The following CA8 variants were observed in gnomAD, a reference collection of about 807,000 sequenced individuals.
The protein encoded by CA8 is carbonic anhydrase 8 (inactive).
In CA8, 22 loss-of-function variants were observed where a neutral mutation model predicts 41.4. The observed-to-expected ratio is 0.53, with a 90% CI of 0.38 to 0.76. The LOEUF is 0.76. Among genes scored for constraint, CA8 ranks in the 30% least tolerant of loss-of-function variants. CA8 has a pLI of 0.00. For missense variants in CA8, 270 were observed against 352.8 expected (o/e 0.77, Z 1.88); for synonymous variants, 121 against 130.6 (o/e 0.93, Z 0.50).
At chr8:60,279,287 A>G (rs7461425) in intron 2 of CA8, among the ~76,000 whole-genome samples, 34,530 of 152,206 alleles carry the variant, frequency 0.23, 4,821 homozygotes, top group East Asian at 0.4. Flanking sequence ...CGTTATGTCA[A>G]TAAATTCTAA....
intron 6 of CA8, 46 bp from the exon 7 acceptor site, chr8:60,222,807 T>C (rs1270158530): frequency 1.7e-6 from 2 of 1,168,952 alleles, no homozygotes; most frequent in Non-Finnish European, 2.6e-6. Context: ...AGTGAATTAA[T>C]AACAATCCTG....
chr8:60,234,476 G>T (rs960117917), intron 3 of CA8, among the ~76,000 whole-genome samples: 15 of 152,178 alleles, frequency 9.9e-5, no homozygotes, highest in African/African-American at 3.6e-4. Flanking sequence ...GTTACTAATA[G>T]AAGAAACTGG....
intron 8 of CA8, chr8:60,208,227 T>C (rs1184377094): frequency 1.3e-5 from 2 of 158,712 alleles, no homozygotes; most frequent in East Asian, 3.7e-4. Flanking sequence ...TAATAAGTGC[T>C]TCTCAATTTA....
intron 7 of CA8, among the ~76,000 whole-genome samples, chr8:60,215,983 TAGA>T (rs1476840829): frequency 6.6e-6 from 1 of 152,228 alleles, no homozygotes; most frequent in Non-Finnish European, 1.5e-5. Flanking sequence ...CCTTATGGTA[TAGA>T]AGAAAACACT....
intron 2 of CA8, among the ~76,000 whole-genome samples, chr8:60,266,942 T>C (rs1803918585): frequency 6.6e-6 from 1 of 152,234 alleles, no homozygotes; most frequent in African/African-American, 2.4e-5. Flanking sequence ...CTAAGCATTT[T>C]AGGTTATTTA....
chr8:60,230,577 C>T (rs1052371021), intron 4 of CA8, among the ~76,000 whole-genome samples: 1 of 151,834 alleles, frequency 6.6e-6, no homozygotes, highest in African/African-American at 2.4e-5. Context: ...CAGCCCATCC[C>T]TCCCTTCCCC....
At position 60,281,393 on chromosome 8, in the gene CA8, T is replaced by C; in HGVS notation, c.-246A>G. ...GGCCCCAGCAGAGCGAGGGAGCGGC[T>C]GTGGCCTGGGGAGCGAGCGCCTGGC... On this transcript the variant is annotated 5_prime_UTR_variant, in exon 1 of 9. Transcript: ENST00000317995. The C allele has an allele frequency of 3.7e-6, 2 of 534,004 alleles. 1 individual carries two copies. Among genetic ancestry groups the C allele is most frequent in the South Asian group, 4.1e-5 (2 of 48,660 alleles). 33.1% of individuals were successfully genotyped at this position (534,004 alleles called of 1,614,324 possible). A position where few individuals can be genotyped will look rare whatever the true frequency, so the allele number is the denominator to read the frequency against.
intron 3 of CA8, among the ~76,000 whole-genome samples, chr8:60,244,295 A>G (rs563677419): frequency 2.0e-5 from 3 of 152,138 alleles, no homozygotes; most frequent in African/African-American, 4.8e-5. Flanking sequence ...AACTGTCTCC[A>G]TGCCTCCAAA....
chr8:60,219,481 G>A (rs1807159365), intron 7 of CA8, among the ~76,000 whole-genome samples: 1 of 152,018 alleles, frequency 6.6e-6, no homozygotes, highest in South Asian at 2.1e-4. Flanking sequence ...TTGATGCTAA[G>A]GATCCCTAAA....
chr8:60,263,711 C>T (rs1585921897), intron 3 of CA8, among the ~76,000 whole-genome samples: 1 of 152,320 alleles, frequency 6.6e-6, no homozygotes, highest in Non-Finnish European at 1.5e-5. Flanking sequence ...GGATGTTCTT[C>T]CACATGGAAA....
intron 8 of CA8, among the ~76,000 whole-genome samples, chr8:60,196,841 G>C (rs1806295402): frequency 6.6e-6 from 1 of 152,126 alleles, no homozygotes; most frequent in Non-Finnish European, 1.5e-5. Context: ...AGAGGGTCTT[G>C]TCTGGCCAAA....
At chr8:60,228,200 G>A (rs907962961) in intron 4 of CA8, among the ~76,000 whole-genome samples, 18 of 152,116 alleles carry the variant, frequency 1.2e-4, no homozygotes, top group Non-Finnish European at 1.0e-4. Flanking sequence ...ATCAAGACGT[G>A]AACTACTTTC....
chr8:60,199,718 G>A (rs560856928), intron 8 of CA8, among the ~76,000 whole-genome samples: 2 of 151,920 alleles, frequency 1.3e-5, no homozygotes, highest in South Asian at 2.1e-4. Context: ...GATAATCTGG[G>A]CATTATCTAG....
At chr8:60,230,002 G>C (rs963218884) in intron 4 of CA8, among the ~76,000 whole-genome samples, 2 of 152,206 alleles carry the variant, frequency 1.3e-5, no homozygotes, top group Admixed American at 6.5e-5. Flanking sequence ...TCCCAAGGGG[G>C]TTTCCCTCAG....
At chr8:60,202,871 G>A (rs761777048) in intron 8 of CA8, among the ~76,000 whole-genome samples, 18 of 152,106 alleles carry the variant, frequency 1.2e-4, no homozygotes, top group Non-Finnish European at 2.2e-4. Context: ...GTTCACATAG[G>A]TCCCTGGCAT....
chr8:60,273,637 G>T (rs553111399), intron 2 of CA8, among the ~76,000 whole-genome samples: 4 of 152,372 alleles, frequency 2.6e-5, no homozygotes, highest in Admixed American at 1.3e-4. Context: ...AGCACCAGCA[G>T]AGAAAAGGCA....
At chr8:60,203,503 A>G (rs1353098670) in intron 8 of CA8, among the ~76,000 whole-genome samples, 1 of 152,174 alleles carries the variant, frequency 6.6e-6, no homozygotes, top group Non-Finnish European at 1.5e-5. Flanking sequence ...AATTGAAAAA[A>G]TAGTAATCTC....
At chr8:60,279,125 A>G (rs1408726449) in intron 2 of CA8, among the ~76,000 whole-genome samples, 3 of 152,094 alleles carry the variant, frequency 2.0e-5, no homozygotes, top group African/African-American at 7.2e-5. Flanking sequence ...TTAAATAAAT[A>G]AATAAATAAA....
At chr8:60,279,299 C>A (rs112455202) in intron 2 of CA8, among the ~76,000 whole-genome samples, 218 of 152,300 alleles carry the variant, frequency 1.4e-3, no homozygotes, top group African/African-American at 4.4e-3. Context: ...AAATTCTAAT[C>A]TTTGGTTTCA....
Sources: allele counts gnomAD v4.1 joint callset (sites outside exome capture counted in the v4.1 genomes callset), GRCh38; gene constraint gnomAD v4.1.1; transcripts MANE v1.5; gene names NCBI Gene and HGNC (gene_info 2026-07-23, HGNC 2026-07-21).